Variants in P4HA1 observed in about 807,000 individuals in gnomAD.
The protein encoded by P4HA1 is prolyl 4-hydroxylase subunit alpha-1.
Under a neutral mutation model 72.8 loss-of-function variants are expected in P4HA1, and 24 were observed. The ratio of observed to expected loss-of-function variants is 0.33; its 90% CI spans 0.24 to 0.46. The LOEUF is 0.46. P4HA1 is among the 20% of genes least tolerant of loss of function. The pLI, the probability that P4HA1 is intolerant of heterozygous loss-of-function variation, is 1.00. For missense variants in P4HA1, 446 were observed against 640.6 expected (o/e 0.70, Z 3.28); for synonymous variants, 201 against 218.8 (o/e 0.92, Z 0.72).
In P4HA1 at chr10:73,037,567, ATATAT is replaced by A. The variant is rs1342377774; in HGVS notation, c.1149-7202_1149-7198del. Among the ~76,000 whole-genome samples, 101 of 28,994 alleles carry A rather than the reference ATATAT, an allele frequency of 3.5e-3. 1 individual carries two copies. Among genetic ancestry groups the A allele is most frequent in the Admixed American group, 8.7e-3 (15 of 1,726 alleles). The allele number at this position is 28,994 out of a possible 152,430, so 19.0% of individuals were successfully genotyped here. Reference sequence around the variant, plus strand: ...TATATATATATATATATATATATATATATATTTTTTTTTTTTTTTTTTTACAAAGG... The same window carrying A: ...TATATATATATATATATATATATATATTTTTTTTTTTTTTTTTTACAAAGG... On this transcript the variant is annotated intron_variant, in intron 9 of 14. Coordinates refer to ENST00000394890, the MANE Select transcript of P4HA1 (RefSeq NM_001017962.3).
intron 1 of P4HA1, among the ~76,000 whole-genome samples, chr10:73,089,421 T>C (rs1379797509): frequency 1.3e-5 from 2 of 152,092 alleles, no homozygotes; most frequent in African/African-American, 2.4e-5. Context: ...AGCCAACAAC[T>C]GGGAAAAAAT....
intron 5 of P4HA1, among the ~76,000 whole-genome samples, chr10:73,068,448 GAT>G (rs1378302001): frequency 6.6e-6 from 1 of 152,128 alleles, no homozygotes; most frequent in East Asian, 1.9e-4. Context: ...AACATATGTG[GAT>G]ACCCAAAACA....
At chr10:73,008,602 A>C (rs185313300) in intron 14 of P4HA1, among the ~76,000 whole-genome samples, 1 of 152,298 alleles carries the variant, frequency 6.6e-6, no homozygotes, top group African/African-American at 2.4e-5. Context: ...AATGAGACAC[A>C]AATGGACCTA....
At chr10:73,084,295 C>A (rs138330003) in intron 1 of P4HA1, among the ~76,000 whole-genome samples, 3 of 152,236 alleles carry the variant, frequency 2.0e-5, no homozygotes, top group East Asian at 3.9e-4. Flanking sequence ...AAACTTCATT[C>A]AAGACTAATT....
Position 73,046,964 on chromosome 10 carries a change from A to T in P4HA1, c.1038T>A (p.Asp346Glu), listed in dbSNP as rs112256907. The change falls in exon 8 of 15, where the codon GAT becomes GAA. Residue 346 changes from aspartate to glutamate, a missense_variant. Transcript: ENST00000394890. ...RIIRFHDIIS[D>E]AEIEIVKDLA... ...GGTCTTTGACGATTTCAATTTCTGC[A>T]TCAGAAATAATATCATGGAAGCGAA... 6.2e-7 allele frequency: 1 copy of T among 1,612,566 alleles called. No individual in the cohort carries two copies. The highest frequency in any genetic ancestry group is 1.1e-5 in the South Asian group (1 of 90,862).
chr10:73,061,220 C>T (rs758317386), intron 5 of P4HA1, among the ~76,000 whole-genome samples: 9 of 152,066 alleles, frequency 5.9e-5, no homozygotes, highest in Non-Finnish European at 1.3e-4. Flanking sequence ...TGTTGGTTCA[C>T]GCAGTTCAAA....
At chr10:73,095,886 C>T (rs1842153649) in intron 1 of P4HA1, among the ~76,000 whole-genome samples, 1 of 150,250 alleles carries the variant, frequency 6.7e-6, no homozygotes, top group Admixed American at 6.7e-5. Context: ...AGTTATCATA[C>T]CATCCTTCCT....
At chr10:73,016,928 A>C in intron 10 of P4HA1, 29 bp from the exon 11 acceptor site, 4 of 1,559,208 alleles carry the variant, frequency 2.6e-6, no homozygotes, top group Non-Finnish European at 2.6e-6. Context: ...GCATGAAAGA[A>C]AAGAACTATA....
At position 73,070,250 on chromosome 10, in the gene P4HA1, C is replaced by T. The variant is rs577684591; in HGVS notation, c.326-1267G>A. ...TTGGCTCATGGCAACCTCCAACTCC[C>T]GGTTCAAGCAATTCTCCTGCCTCAG... is the stretch of plus-strand genomic sequence containing the variant. On this transcript the variant is annotated intron_variant, in intron 4 of 14. Coordinates refer to ENST00000394890, the MANE Select transcript of P4HA1 (RefSeq NM_001017962.3). Among the ~76,000 whole-genome samples the T allele has an allele frequency of 8.9e-5, 13 of 145,956 alleles. No individual in the cohort carries two copies. In the East Asian group the frequency reaches 1.4e-3, roughly 16 times the overall value.
At chr10:73,058,090 G>GAAAAAA (rs869244017) in intron 5 of P4HA1, among the ~76,000 whole-genome samples, 4 of 23,072 alleles carry the variant, frequency 1.7e-4, no homozygotes, top group African/African-American at 5.8e-4. Context: ...ACTCCGTCCA[G>GAAAAAA]AAAAAAAAAA....
intron 6 of P4HA1, among the ~76,000 whole-genome samples, 162 bp from the exon 7 acceptor site, chr10:73,051,411 T>C (rs1051502943): frequency 1.3e-5 from 2 of 152,080 alleles, no homozygotes; most frequent in Admixed American, 6.6e-5. Flanking sequence ...ACCAAAATAA[T>C]AGGTATAAGT....
intron 5 of P4HA1, among the ~76,000 whole-genome samples, chr10:73,053,916 CTTT>C (rs112306423): frequency 6.2e-5 from 9 of 145,736 alleles, no homozygotes; most frequent in Non-Finnish European, 9.1e-5. Flanking sequence ...AGATACATCT[CTTT>C]TTTTTTTTTT....
chr10:73,013,499 T>C (rs1370130749), intron 12 of P4HA1, among the ~76,000 whole-genome samples: 1 of 152,126 alleles, frequency 6.6e-6, no homozygotes, highest in Non-Finnish European at 1.5e-5. Flanking sequence ...TGACGGCAAA[T>C]ACATGTCAGA....
chr10:73,069,038 TAA>T (rs1219825995), intron 4 of P4HA1, 55 bp from the exon 5 acceptor site: 1 of 1,275,434 alleles, frequency 7.8e-7, no homozygotes, highest in Non-Finnish European at 1.1e-6. Flanking sequence ...AAACTTCCCA[TAA>T]AGAGACTTAA....
At chr10:73,058,503 T>A (rs946227799) in intron 5 of P4HA1, among the ~76,000 whole-genome samples, 3 of 152,144 alleles carry the variant, frequency 2.0e-5, no homozygotes, top group African/African-American at 7.2e-5. Flanking sequence ...AGCATGTACA[T>A]CCTTTCCCTA....
Position 73,057,888 on chromosome 10 carries a change from G to A in P4HA1, c.464-4298C>T, listed in dbSNP as rs189054619. ...ACGGACTACTTGAGCTCAGGAGATC[G>A]AGACCAGCCTGGGCAACATGGCGAA... On this transcript the variant is annotated intron_variant, in intron 5 of 14. Coordinates refer to ENST00000394890, the MANE Select transcript of P4HA1 (RefSeq NM_001017962.3). Among the ~76,000 whole-genome samples, 59 of 151,652 alleles carry A rather than the reference G, an allele frequency of 3.9e-4. 1 individual carries two copies. The highest frequency in any genetic ancestry group is 1.3e-3 in the African/African-American group (54 of 41,360).
chr10:73,043,558 C>T (rs1564626775), intron 9 of P4HA1, among the ~76,000 whole-genome samples: 1 of 152,230 alleles, frequency 6.6e-6, no homozygotes, highest in African/African-American at 2.4e-5. Flanking sequence ...TTTTAAACCC[C>T]TGCTTTACTG....
chr10:73,012,951 A>G (rs1839940778), intron 12 of P4HA1, among the ~76,000 whole-genome samples: 1 of 151,922 alleles, frequency 6.6e-6, no homozygotes, highest in South Asian at 2.1e-4. Flanking sequence ...GTGTGCCACC[A>G]CACCCAGCTA....
At chr10:73,080,790 T>C (rs1841804962) in intron 1 of P4HA1, among the ~76,000 whole-genome samples, 2 of 152,142 alleles carry the variant, frequency 1.3e-5, no homozygotes, top group South Asian at 2.1e-4. Flanking sequence ...TAGCCAGGCA[T>C]GTTGGCACAC....
Sources: gnomAD v4.1 joint callset for allele counts (sites outside exome capture counted in the v4.1 genomes callset) on GRCh38, gnomAD v4.1.1 for gene constraint, MANE v1.5 for transcripts, NCBI Gene and HGNC (gene_info 2026-07-23, HGNC 2026-07-21) for gene names.